Variants in TDRD5 observed in about 807,000 individuals in gnomAD.
TDRD5 encodes tudor domain-containing protein 5.
Under a neutral mutation model 120.6 loss-of-function variants are expected in TDRD5, and 41 were observed. That is an observed-to-expected ratio of 0.34 (90% CI 0.26 to 0.44). The LOEUF (loss-of-function observed/expected upper bound fraction) is 0.44. Ranked by LOEUF, TDRD5 falls within the 20% of genes least tolerant of loss-of-function variation. The probability of loss-of-function intolerance (pLI) is 1.00; values close to 1 mark genes in which losing one functional copy is unlikely to be tolerated. For synonymous variants in TDRD5, 430 were observed against 433.7 expected (o/e 0.99, Z 0.11); for missense variants, 1,006 against 1,221.2 (o/e 0.82, Z 2.63).
chr1:179,648,678 G>A (rs1213498767), intron 11 of TDRD5, among the ~76,000 whole-genome samples: 1 of 151,552 alleles, frequency 6.6e-6, no homozygotes. Flanking sequence ...ATCTTCTGGA[G>A]TTTTTTAGTC....
chr1:179,608,281 A>G (rs1019868627), intron 4 of TDRD5, among the ~76,000 whole-genome samples: 1 of 151,592 alleles, frequency 6.6e-6, no homozygotes, highest in Non-Finnish European at 1.5e-5. Flanking sequence ...TTTTTTCTGC[A>G]TGAGATTCAT....
chr1:179,603,334 T>C (rs1675816032), intron 4 of TDRD5, among the ~76,000 whole-genome samples: 1 of 152,230 alleles, frequency 6.6e-6, no homozygotes, highest in South Asian at 2.1e-4. Flanking sequence ...AATGACAATT[T>C]GACTTTCTCT....
chr1:179,662,142 G>T lies in TDRD5; in HGVS notation c.2361G>T (p.Val787=). The stretch of plus-strand genomic sequence containing the variant: ...CTGGAATGCCATGCCTGGAGTCAGT[G>T]ACCATAGGTGATGATATTTGGGATG... ...IPTGMPCLES[V]TIGDDIWDEN... Residue 787 remains valine (V), a synonymous_variant, in exon 15 of 18, where the codon GTG becomes GTT. Transcript: ENST00000444136. The T allele has an allele frequency of 6.2e-7, 1 of 1,603,038 alleles. No homozygotes were observed. The highest frequency in any genetic ancestry group is 8.5e-7 in the Non-Finnish European group (1 of 1,175,948).
chr1:179,650,797 T>A (rs1678669142), intron 11 of TDRD5, 70 bp from the exon 12 acceptor site: 2 of 1,480,688 alleles, frequency 1.4e-6, no homozygotes, highest in Non-Finnish European at 1.9e-6. Flanking sequence ...CAGAATTCAT[T>A]GTTGTATATG....
At chr1:179,681,554 A>G (rs1043046580) in intron 17 of TDRD5, among the ~76,000 whole-genome samples, 5 of 152,110 alleles carry the variant, frequency 3.3e-5, no homozygotes, top group African/African-American at 1.2e-4. Flanking sequence ...TCCAGTGTAT[A>G]AATTGGGGTT....
intron 16 of TDRD5, among the ~76,000 whole-genome samples, chr1:179,668,861 G>T (rs1679701306): frequency 6.7e-6 from 1 of 150,204 alleles, no homozygotes; most frequent in South Asian, 2.1e-4. Flanking sequence ...TCCTGCCTCA[G>T]CTTCCTGAGT....
intron 11 of TDRD5, among the ~76,000 whole-genome samples, chr1:179,646,240 A>G (rs1360066702): frequency 6.6e-6 from 1 of 152,214 alleles, no homozygotes; most frequent in Non-Finnish European, 1.5e-5. Context: ...TAACAATGCA[A>G]GGACATTAGA....
intron 4 of TDRD5, 55 bp downstream of exon 4, chr1:179,595,873 G>A: frequency 1.3e-6 from 2 of 1,488,704 alleles, no homozygotes; most frequent in East Asian, 4.8e-5. Context: ...ATTCAGTGGT[G>A]TTAACACTTT....
chr1:179,690,356 T>C (rs1450043907), intron 17 of TDRD5, among the ~76,000 whole-genome samples: 2 of 152,212 alleles, frequency 1.3e-5, no homozygotes, highest in African/African-American at 4.8e-5. Flanking sequence ...TGGAAGGAAA[T>C]AGAAGCACTT....
chr1:179,647,668 A>C lies in TDRD5; in HGVS notation c.1801-3199A>C, dbSNP rs972317921. 5.9e-5 allele frequency among the ~76,000 whole-genome samples: 9 copies of C among 152,048 alleles called. No homozygotes were observed. The South Asian group carries it at 6.3e-4, about 11-fold the overall frequency. On this transcript the variant is annotated intron_variant, in intron 11 of 17. Coordinates refer to ENST00000444136, the MANE Select transcript of TDRD5 (RefSeq NM_001199085.3). The stretch of plus-strand genomic sequence containing the variant: ...ATCAGAGTGAACAGGCAACCTACAA[A>C]ATGGGAGAAAATTTTCGCCACCTAC...
rs138589774 is a variant in TDRD5 at position 179,674,473 on chromosome 1, G to A, written c.2860+5069G>A. 5.5e-3 allele frequency among the ~76,000 whole-genome samples: 838 copies of A among 152,146 alleles called. 3 individuals carry two copies. The highest frequency in any genetic ancestry group is 0.024 in the Middle Eastern group (7 of 292). On this transcript the variant is annotated intron_variant, in intron 17 of 17. Coordinates refer to ENST00000444136, the MANE Select transcript of TDRD5 (RefSeq NM_001199085.3). ...TTTTGTTGAGGATTTTTGCATCTGT[G>A]TTCATCAGGGATATTGGTCTGTAGT... is the stretch of plus-strand genomic sequence containing the variant.
At chr1:179,643,033 A>G (rs1572388339) in intron 11 of TDRD5, among the ~76,000 whole-genome samples, 1 of 152,188 alleles carries the variant, frequency 6.6e-6, no homozygotes, top group Non-Finnish European at 1.5e-5. Flanking sequence ...CACAGAATGG[A>G]TGAGTTCCCA....
At chr1:179,630,137 A>G (rs1003999617) in intron 6 of TDRD5, among the ~76,000 whole-genome samples, 1 of 152,042 alleles carries the variant, frequency 6.6e-6, no homozygotes, top group Non-Finnish European at 1.5e-5. Flanking sequence ...AGCTGGGACT[A>G]CAGGTGCCCA....
chr1:179,613,693 A>C (rs567752236), intron 4 of TDRD5, among the ~76,000 whole-genome samples: 5 of 152,272 alleles, frequency 3.3e-5, no homozygotes, highest in Non-Finnish European at 7.4e-5. Context: ...GGCCTCTCTA[A>C]TAGGGGCACT....
At chr1:179,624,885 T>C (rs960434434) in intron 6 of TDRD5, among the ~76,000 whole-genome samples, 2 of 152,102 alleles carry the variant, frequency 1.3e-5, no homozygotes, top group African/African-American at 4.8e-5. Flanking sequence ...AACAAATCCA[T>C]GAATTTGGCC....
At chr1:179,625,613 G>C (rs144360909) in intron 6 of TDRD5, among the ~76,000 whole-genome samples, 3 of 152,132 alleles carry the variant, frequency 2.0e-5, no homozygotes, top group Non-Finnish European at 4.4e-5. Flanking sequence ...ACAATTTCTT[G>C]TAAGTGTGTA....
chr1:179,613,318 A>G lies in TDRD5; in HGVS notation c.832-5281A>G, dbSNP rs561056206. Among the ~76,000 whole-genome samples the G allele has an allele frequency of 3.9e-5, 6 of 152,264 alleles. No homozygotes were observed. In the East Asian group the frequency reaches 1.2e-3, roughly 29 times the overall value. On this transcript the variant is annotated intron_variant, in intron 4 of 17. Coordinates refer to ENST00000444136, the MANE Select transcript of TDRD5 (RefSeq NM_001199085.3). ...TAATTAATGCAGTTCTCTGGGGGTT[A>G]TATTCTCTGGCCAACTTAGAGTAGC... is the stretch of plus-strand genomic sequence containing the variant.
intron 17 of TDRD5, among the ~76,000 whole-genome samples, chr1:179,670,654 T>G (rs1679814766): frequency 6.6e-6 from 1 of 152,230 alleles, no homozygotes; most frequent in Non-Finnish European, 1.5e-5. Context: ...ATTTTCCTGT[T>G]TACCACAATG....
intron 6 of TDRD5, among the ~76,000 whole-genome samples, chr1:179,624,419 A>G (rs1415496894): frequency 1.3e-5 from 2 of 152,198 alleles, no homozygotes; most frequent in Non-Finnish European, 2.9e-5. Flanking sequence ...ATTGTATTGC[A>G]AGTTCTAACC....
Sources: allele counts gnomAD v4.1 joint callset (sites outside exome capture counted in the v4.1 genomes callset), GRCh38; gene constraint gnomAD v4.1.1; transcripts MANE v1.5; gene names NCBI Gene and HGNC (gene_info 2026-07-23, HGNC 2026-07-21).